The following PSMD2 variants were observed in gnomAD, a reference collection of about 807,000 sequenced individuals.
PSMD2 encodes the protein 26S proteasome non-ATPase regulatory subunit 2.
In PSMD2, 8 loss-of-function variants were observed where a neutral mutation model predicts 101.5. The ratio of observed to expected loss-of-function variants is 0.08; its 90% CI spans 0.05 to 0.14. The LOEUF is 0.14. Ranked by LOEUF, PSMD2 falls within the 10% of genes least tolerant of loss-of-function variation. PSMD2 has a pLI of 1.00. For missense variants in PSMD2, 784 were observed against 1,147.4 expected (o/e 0.68, Z 4.58); for synonymous variants, 418 against 433.8 (o/e 0.96, Z 0.45).
At position 184,305,863 on chromosome 3, in the gene PSMD2, G is replaced by A; in HGVS notation, c.1635G>A (p.Lys545=). ...TSTILQTIME[K]SETELKDTYA... is the part of the protein sequence containing the mutation. ...CTATCCTTCAGACCATCATGGAGAA[G>A]TCAGAGACTGAGCTCAAGGATACTT... Residue 545 remains lysine, a synonymous_variant, in exon 13 of 21, where the codon AAG becomes AAA. Transcript: ENST00000310118. The A allele has an allele frequency of 6.2e-7, 1 of 1,614,230 alleles. No individual in the cohort carries two copies.
In PSMD2 at chr3:184,306,868, G is replaced by T. The variant is rs765331446; in HGVS notation, c.2034+34G>T. 10 of 1,562,850 alleles carry T rather than the reference G, an allele frequency of 6.4e-6. No homozygotes were observed. The East Asian group carries it at 2.0e-4, about 32-fold the overall frequency. ...AGCATGAAGAAAATTGGAATATACT[G>T]GTTTTGATGGCCTGGGGTTCCCCAG... On this transcript the variant is annotated intron_variant, in intron 16 of 20. Transcript: ENST00000310118.
In PSMD2 at chr3:184,302,894, A is replaced by G. The variant is rs898078717; in HGVS notation, c.1008+71A>G. The G allele has an allele frequency of 3.2e-5, 51 of 1,610,624 alleles. No individual in the cohort carries two copies. In the African/African-American group the frequency reaches 5.8e-4, roughly 18 times the overall value. On this transcript the variant is annotated intron_variant, in intron 7 of 20. Coordinates refer to ENST00000310118, the MANE Select transcript of PSMD2 (RefSeq NM_002808.5). ...CCTGCCATTTCACCTCCCTGACTCT[A>G]CCTCTGACTAGACTCTCCTTGATTA...
At chr3:184,303,586 T>C in intron 9 of PSMD2, 57 bp from the exon 10 acceptor site, 1 of 1,610,760 alleles carries the variant, frequency 6.2e-7, no homozygotes, top group Non-Finnish European at 8.5e-7. Flanking sequence ...CTCTTTATAA[T>C]AACAGGATCC....
chr3:184,306,021 A>G (rs773264214), intron 13 of PSMD2, 33 bp from the exon 14 acceptor site: 15 of 1,613,764 alleles, frequency 9.3e-6, no homozygotes, highest in Middle Eastern at 1.6e-4. Context: ...GATGGAGGCA[A>G]GTATCCTCTG....
rs1721745264 is a variant in PSMD2 at position 184,304,176 on chromosome 3, C to T, written c.1451+102C>T. Reference sequence around the variant, plus strand: ...CATATTGCCAAGGGCTACCACTGTGCCTATTGGGTATCTGGCTCTTGGTGA... The same window carrying T: ...CATATTGCCAAGGGCTACCACTGTGTCTATTGGGTATCTGGCTCTTGGTGA... On this transcript the variant is annotated intron_variant, in intron 11 of 20. Coordinates refer to ENST00000310118, the MANE Select transcript of PSMD2 (RefSeq NM_002808.5). The surrounding 1 kb of genome is among the most constrained non-coding windows in gnomAD (Gnocchi z 4.1). The T allele has an allele frequency of 1.9e-6, 3 of 1,553,496 alleles. No individual in the cohort carries two copies. The highest frequency in any genetic ancestry group is 2.7e-6 in the Non-Finnish European group (3 of 1,126,018).
intron 18 of PSMD2, 80 bp from the exon 19 acceptor site, chr3:184,307,810 G>A (rs1180836727): frequency 6.2e-7 from 1 of 1,606,110 alleles, no homozygotes; most frequent in African/African-American, 1.3e-5. Context: ...GTGACCAAGT[G>A]GGAGATTTCT....
chr3:184,301,309 C>T (rs1721635211), intron 3 of PSMD2, among the ~76,000 whole-genome samples: 1 of 150,074 alleles, frequency 6.7e-6, no homozygotes, highest in Admixed American at 6.6e-5. Flanking sequence ...GCACTCCAGC[C>T]TGGGCAGCAA....
rs762827916 is a variant in PSMD2, at chr3:184,301,607, G to A, written c.428G>A (p.Arg143Gln). 3.7e-6 allele frequency: 6 copies of A among 1,614,092 alleles called. No homozygotes were observed. Among genetic ancestry groups the A allele is most frequent in the South Asian group, 3.3e-5 (3 of 91,078 alleles). Reference protein sequence around the residue: ...MSGERECLKYRLVGSQEELAS... With the variant: ...MSGERECLKYQLVGSQEELAS... ...GGGGAGCGTGAGTGCCTCAAGTATC[G>A]GCTAGTGGGCTCCCAGGAGGAATTG... Residue 143 changes from arginine (R) to glutamine (Q), a missense_variant, in exon 4 of 21, where the codon CGG becomes CAG. Around this residue, in one of 6 missense-constraint regions of PSMD2, gnomAD observed 208 missense variants for 301.6 expected, o/e 0.69. Transcript: ENST00000310118.
At chr3:184,300,036 C>T in intron 2 of PSMD2, 129 bp downstream of exon 2, 1 of 957,276 alleles carries the variant, frequency 1.0e-6, no homozygotes, top group Non-Finnish European at 1.7e-6. Context: ...TGTTGGGAGG[C>T]AGGAGAGTTA....
rs201504142 is a variant in PSMD2 at position 184,308,905 on chromosome 3, C to G, written c.*15C>G. On this transcript the variant is annotated 3_prime_UTR_variant, in exon 21 of 21. Transcript: ENST00000310118. This position sits in a 1 kb window ranked among gnomAD's most constrained non-coding sequence, Gnocchi z 6.0. ...ATGATCTCTAAGTGACCACCAGGGG[C>G]TCTGAACTGCAGCTGATGTTATCAG... 4 of 1,606,466 alleles carry G rather than the reference C, an allele frequency of 2.5e-6. No individual in the cohort carries two copies. Among genetic ancestry groups the G allele is most frequent in the Non-Finnish European group, 3.4e-6 (4 of 1,176,204 alleles).
At position 184,299,378 on chromosome 3, in the gene PSMD2, G is replaced by C. The variant is rs2108439604; in HGVS notation, c.112G>C (p.Asp38His). ...CGGCAAGGAGCGGCGGGATGCCGGG[G>C]ACAAGGACAAAGAACAGGAGCTGGT... ...PSGKERRDAG[D>H]KDKEQELSEE... is the part of the protein sequence containing the mutation. The change falls in exon 1 of 21, where the codon GAC becomes CAC. Residue 38 changes from aspartate (D) to histidine (H), a missense_variant. By Grantham distance (81) the Asp-to-His change is moderately conservative. Around this residue, in one of 6 missense-constraint regions of PSMD2, gnomAD observed 196 missense variants for 182.4 expected, o/e 1.07. Coordinates refer to ENST00000310118, the MANE Select transcript of PSMD2 (RefSeq NM_002808.5). The C allele has an allele frequency of 1.4e-6, 2 of 1,401,254 alleles. No homozygotes were observed. Among genetic ancestry groups the C allele is most frequent in the Admixed American group, 3.2e-5 (1 of 31,154 alleles). 86.8% of individuals were successfully genotyped at this position (1,401,254 alleles called of 1,614,324 possible).
intron 14 of PSMD2, 93 bp from the exon 15 acceptor site, chr3:184,306,257 C>G: frequency 6.3e-7 from 1 of 1,593,534 alleles, no homozygotes; most frequent in Non-Finnish European, 8.6e-7. Context: ...TCATTCTGAT[C>G]TGCTCTAGAT....
Position 184,308,146 on chromosome 3 carries a change from C to T in PSMD2, c.2425+130C>T. 8.0e-7 allele frequency: 1 copy of T among 1,249,060 alleles called. No homozygotes were observed. Among genetic ancestry groups the T allele is most frequent in the Non-Finnish European group, 1.1e-6 (1 of 915,230 alleles). 77.4% of individuals were successfully genotyped at this position (1,249,060 alleles called of 1,614,324 possible). A position where few individuals can be genotyped will look rare whatever the true frequency, so the allele number is the denominator to read the frequency against. Reference sequence around the variant, plus strand: ...TATCGCTCTAGGTTTCTGAGACAGGCTTTGGGCCTGTGACATGAGACTTTC... The same window carrying T: ...TATCGCTCTAGGTTTCTGAGACAGGTTTTGGGCCTGTGACATGAGACTTTC... On this transcript the variant is annotated intron_variant, in intron 19 of 20. Transcript: ENST00000310118. This position sits in a 1 kb window ranked among gnomAD's most constrained non-coding sequence, Gnocchi z 6.0.
intron 13 of PSMD2, 37 bp downstream of exon 13, chr3:184,305,967 G>A: frequency 6.2e-7 from 1 of 1,613,678 alleles, no homozygotes; most frequent in Non-Finnish European, 8.5e-7. Context: ...AGAGCTGACA[G>A]TAACTGGATA....
At chr3:184,299,439 G>A in intron 1 of PSMD2, 38 bp downstream of exon 1, 1 of 1,323,758 alleles carries the variant, frequency 7.6e-7, no homozygotes. Context: ...AGGAGGCTGC[G>A]GGGCTGAGTC....
chr3:184,308,686 T>C lies in PSMD2; in HGVS notation c.2545-22T>C, dbSNP rs1721929524. The stretch of plus-strand genomic sequence containing the variant: ...CTTGTCGCTACTTTTCCATCTCTCT[T>C]TTCAATTTTCTTACCCTACAGGCAG... On this transcript the variant is annotated intron_variant, in intron 20 of 20. Coordinates refer to ENST00000310118, the MANE Select transcript of PSMD2 (RefSeq NM_002808.5). This position sits in a 1 kb window ranked among gnomAD's most constrained non-coding sequence, Gnocchi z 6.0. The C allele has an allele frequency of 6.2e-7, 1 of 1,604,578 alleles. No individual in the cohort carries two copies. Among genetic ancestry groups the C allele is most frequent in the East Asian group, 2.2e-5 (1 of 44,702 alleles).
chr3:184,301,336 C>CAAAA (rs112455702), intron 3 of PSMD2, among the ~76,000 whole-genome samples: 2 of 90,374 alleles, frequency 2.2e-5, no homozygotes, highest in African/African-American at 8.3e-5. Flanking sequence ...AACTGAGTCT[C>CAAAA]AAAAAAAAAA....
chr3:184,299,784 G>T, intron 1 of PSMD2, 67 bp from the exon 2 acceptor site: 2 of 1,341,086 alleles, frequency 1.5e-6, no homozygotes, highest in South Asian at 2.3e-5. Flanking sequence ...CACCTGCCCC[G>T]GGTAAGTGGG....
chr3:184,306,033 C>G (rs950215757), intron 13 of PSMD2, 21 bp from the exon 14 acceptor site: 10 of 1,613,834 alleles, frequency 6.2e-6, no homozygotes, highest in Non-Finnish European at 8.5e-6. Context: ...TATCCTCTGA[C>G]CCCTTGAATC....
Sources: allele counts gnomAD v4.1 joint callset (sites outside exome capture counted in the v4.1 genomes callset), GRCh38; gene constraint gnomAD v4.1.1; regional missense constraint gnomAD v4.1.1; non-coding constraint Gnocchi (gnomAD v3.1); transcripts MANE v1.5; gene names NCBI Gene and HGNC (gene_info 2026-07-23, HGNC 2026-07-21).